The following TMEM26 variants were observed in gnomAD, a reference collection of about 807,000 sequenced individuals.
The protein encoded by TMEM26 is transmembrane protein 26.
In TMEM26, 38 loss-of-function variants were observed where a neutral mutation model predicts 28.8. That is an observed-to-expected ratio of 1.32 (90% CI 1.02 to 1.73). TMEM26 has a LOEUF of 1.73. TMEM26 is among the 40% of genes most tolerant of loss of function. TMEM26 has a pLI of 0.00. For missense variants in TMEM26, 518 were observed against 447.1 expected, an observed-to-expected ratio of 1.16 and a Z score of -1.43; for synonymous variants, 227 against 182.9, an observed-to-expected ratio of 1.24 and a Z score of -1.95.
intron 2 of TMEM26, among the ~76,000 whole-genome samples, chr10:61,434,202 C>A (rs1450561323): frequency 6.6e-6 from 1 of 152,130 alleles, no homozygotes; most frequent in Non-Finnish European, 1.5e-5. Context: ...CCCAATTCAA[C>A]CTCTGGGCAT....
chr10:61,425,605 C>G (rs927295461), intron 4 of TMEM26, among the ~76,000 whole-genome samples: 14 of 151,974 alleles, frequency 9.2e-5, no homozygotes, highest in African/African-American at 3.1e-4. Flanking sequence ...AATAAAAAGA[C>G]AATCCAATAA....
rs151061647 is a variant in TMEM26 at position 61,407,129 on chromosome 10, A to G, written c.*3193T>C. The G allele has an allele frequency of 5.5e-4, 84 of 152,242 alleles. No individual in the cohort carries two copies. The highest frequency in any genetic ancestry group is 2.0e-3 in the African/African-American group (82 of 41,548). 9.4% of individuals were successfully genotyped at this position (152,242 alleles called of 1,614,324 possible). Reference sequence around the variant, plus strand: ...ATTCTTTCTCTCCTGTAACAGGAAAAGTTGGTTAAGAATTATCAAGAATTA... The same window carrying G: ...ATTCTTTCTCTCCTGTAACAGGAAAGGTTGGTTAAGAATTATCAAGAATTA... On this transcript the variant is annotated 3_prime_UTR_variant, in exon 6 of 6. Coordinates refer to ENST00000399298, the MANE Select transcript of TMEM26 (RefSeq NM_178505.8).
intron 1 of TMEM26, among the ~76,000 whole-genome samples, chr10:61,445,054 C>A (rs1295339205): frequency 1.3e-5 from 2 of 152,212 alleles, no homozygotes; most frequent in Non-Finnish European, 2.9e-5. Flanking sequence ...TTAGCGTACT[C>A]ACCCTAAAAT....
At chr10:61,420,712 CAT>C (rs914191326) in intron 4 of TMEM26, among the ~76,000 whole-genome samples, 4 of 145,270 alleles carry the variant, frequency 2.8e-5, no homozygotes, top group Non-Finnish European at 6.0e-5. Context: ...AAAATAAGAA[CAT>C]TTCCAGATTA....
intron 4 of TMEM26, among the ~76,000 whole-genome samples, chr10:61,418,962 G>A (rs1433968197): frequency 6.6e-6 from 1 of 152,108 alleles, no homozygotes; most frequent in Non-Finnish European, 1.5e-5. Flanking sequence ...AAGAGCAGAA[G>A]TCATAAGGGC....
chr10:61,413,920 GA>G, intron 4 of TMEM26: 3 of 988,324 alleles, frequency 3.0e-6, no homozygotes, highest in Non-Finnish European at 3.6e-6. Flanking sequence ...ATTATTCTAA[GA>G]AACCAGGGAT....
intron 4 of TMEM26, 119 bp from the exon 5 acceptor site, chr10:61,413,654 G>C (rs1390046915): frequency 1.5e-6 from 2 of 1,328,742 alleles, no homozygotes; most frequent in African/African-American, 1.5e-5. Context: ...AAATATCTTG[G>C]TGATTTAATA....
rs573561929 is a variant in TMEM26, at chr10:61,410,300, G to A, written c.*22C>T. Reference sequence around the variant, plus strand: ...AGAACCAGGGAGTCAGGTTCTAGCCGCAGACCACTGTCAATCAATAACTAA... The same window carrying A: ...AGAACCAGGGAGTCAGGTTCTAGCCACAGACCACTGTCAATCAATAACTAA... On this transcript the variant is annotated 3_prime_UTR_variant, in exon 6 of 6. Transcript: ENST00000399298. The A allele has an allele frequency of 4.0e-5, 64 of 1,583,894 alleles. No homozygotes were observed. The highest frequency in any genetic ancestry group is 5.4e-5 in the African/African-American group (4 of 74,218).
intron 1 of TMEM26, among the ~76,000 whole-genome samples, chr10:61,437,725 CA>C (rs1252378021): frequency 6.6e-6 from 1 of 152,096 alleles, no homozygotes; most frequent in Non-Finnish European, 1.5e-5. Flanking sequence ...GCAAATGTCG[CA>C]GCGAGCTGAG....
intron 4 of TMEM26, among the ~76,000 whole-genome samples, chr10:61,419,457 G>A (rs554298275): frequency 5.3e-5 from 8 of 152,142 alleles, no homozygotes; most frequent in African/African-American, 1.7e-4. Context: ...CTCAATAAGT[G>A]AGTAAATAAA....
intron 4 of TMEM26, among the ~76,000 whole-genome samples, chr10:61,422,077 C>A (rs551047084): frequency 3.3e-5 from 5 of 152,008 alleles, no homozygotes; most frequent in Admixed American, 6.6e-5. Flanking sequence ...AGTGATCATT[C>A]ATGATAAAAT....
chr10:61,417,214 T>A (rs1839667322), intron 4 of TMEM26, among the ~76,000 whole-genome samples: 1 of 152,044 alleles, frequency 6.6e-6, no homozygotes, highest in Non-Finnish European at 1.5e-5. Flanking sequence ...GAGAAGCATG[T>A]AAGCAGACAA....
At chr10:61,419,629 C>A (rs748540052) in intron 4 of TMEM26, among the ~76,000 whole-genome samples, 2 of 151,830 alleles carry the variant, frequency 1.3e-5, no homozygotes, top group East Asian at 1.9e-4. Flanking sequence ...CAATAAAAAT[C>A]GAATCTGAAA....
rs969976330 is a variant in TMEM26 at position 61,409,934 on chromosome 10, A to G, written c.*388T>C. ...AGAGGAACATTGCAGAAAAGATCAG[A>G]CGAAATAGTCTGACAATGGAGGCAA... On this transcript the variant is annotated 3_prime_UTR_variant, in exon 6 of 6. Transcript: ENST00000399298. The G allele has an allele frequency of 1.0e-5, 2 of 194,508 alleles. No individual in the cohort carries two copies. The highest frequency in any genetic ancestry group is 1.1e-5 in the Non-Finnish European group (1 of 94,212). 12.0% of individuals were successfully genotyped at this position (194,508 alleles called of 1,614,324 possible). A position where few individuals can be genotyped will look rare whatever the true frequency, so the allele number is the denominator to read the frequency against.
chr10:61,436,136 A>G, intron 2 of TMEM26, 34 bp downstream of exon 2: 1 of 1,372,646 alleles, frequency 7.3e-7, no homozygotes, highest in Non-Finnish European at 1.0e-6. Context: ...CTTATTGCTG[A>G]ATAGGTCAAT....
chr10:61,424,654 C>A (rs1216953827), intron 4 of TMEM26, among the ~76,000 whole-genome samples: 1 of 152,106 alleles, frequency 6.6e-6, no homozygotes, highest in African/African-American at 2.4e-5. Flanking sequence ...GGAAGACTTA[C>A]AATATCCAAT....
At chr10:61,438,606 T>C (rs1279109944) in intron 1 of TMEM26, among the ~76,000 whole-genome samples, 1 of 152,228 alleles carries the variant, frequency 6.6e-6, no homozygotes, top group African/African-American at 2.4e-5. Flanking sequence ...ACATCTTCTA[T>C]GCATAACATT....
At chr10:61,420,916 TC>T in intron 4 of TMEM26, among the ~76,000 whole-genome samples, 1 of 152,202 alleles carries the variant, frequency 6.6e-6, no homozygotes, top group East Asian at 1.9e-4. Flanking sequence ...ATAGATATTT[TC>T]TAATATCTTT....
At chr10:61,423,175 A>C (rs1448055645) in intron 4 of TMEM26, among the ~76,000 whole-genome samples, 5 of 152,192 alleles carry the variant, frequency 3.3e-5, no homozygotes, top group Non-Finnish European at 7.3e-5. Context: ...AAATAGACCT[A>C]TAAAAAGTAA....
Sources: allele counts gnomAD v4.1 joint callset (sites outside exome capture counted in the v4.1 genomes callset), GRCh38; gene constraint gnomAD v4.1.1; transcripts MANE v1.5; gene names NCBI Gene and HGNC (gene_info 2026-07-23, HGNC 2026-07-21).